Variants in LRBA observed in about 807,000 individuals in gnomAD.
LRBA encodes lipopolysaccharide-responsive and beige-like anchor protein.
In LRBA, 176 loss-of-function variants were observed where a neutral mutation model predicts 330.0. The ratio of observed to expected loss-of-function variants is 0.53; its 90% CI spans 0.47 to 0.60. The LOEUF (loss-of-function observed/expected upper bound fraction) is 0.60. Among genes scored for constraint, LRBA ranks in the 20% least tolerant of loss-of-function variants. The pLI is 0.00. For missense variants in LRBA, 3,259 were observed against 3,444.8 expected (o/e 0.95, Z 1.35); for synonymous variants, 1,230 against 1,193.0 (o/e 1.03, Z -0.64).
chr4:150,749,422 G>A (rs1381865831), intron 35 of LRBA, among the ~76,000 whole-genome samples: 1 of 151,826 alleles, frequency 6.6e-6, no homozygotes, highest in East Asian at 1.9e-4. Context: ...AAAAGATAAA[G>A]GAAAAAACAA....
intron 37 of LRBA, among the ~76,000 whole-genome samples, chr4:150,611,205 T>A (rs1775223004): frequency 6.6e-6 from 1 of 152,180 alleles, no homozygotes; most frequent in South Asian, 2.1e-4. Flanking sequence ...GGAAAGAGGA[T>A]GGGAACTAAA....
chr4:150,487,202 A>G (rs1173153934), intron 42 of LRBA, among the ~76,000 whole-genome samples: 1 of 151,356 alleles, frequency 6.6e-6, no homozygotes, highest in Non-Finnish European at 1.5e-5. Flanking sequence ...ACGTGTGTGT[A>G]CCATTATGAT....
chr4:150,600,317 C>G (rs1773982838), intron 37 of LRBA, among the ~76,000 whole-genome samples: 1 of 152,062 alleles, frequency 6.6e-6, no homozygotes, highest in Non-Finnish European at 1.5e-5. Flanking sequence ...TATCTGTCAG[C>G]TTTGACAAAT....
intron 47 of LRBA, among the ~76,000 whole-genome samples, chr4:150,358,603 G>T (rs1238352201): frequency 6.6e-6 from 1 of 151,816 alleles, no homozygotes; most frequent in African/African-American, 2.4e-5. Context: ...TATTTTCTAA[G>T]ATAAACTAGT....
At chr4:150,531,875 C>T (rs1764087203) in intron 40 of LRBA, among the ~76,000 whole-genome samples, 1 of 152,164 alleles carries the variant, frequency 6.6e-6, no homozygotes, top group South Asian at 2.1e-4. Flanking sequence ...CTTTCCAGAT[C>T]TCAAATGTAA....
chr4:150,929,239 TAG>T (rs1197614847), intron 2 of LRBA, among the ~76,000 whole-genome samples, 174 bp from the exon 3 acceptor site: 1 of 152,198 alleles, frequency 6.6e-6, no homozygotes, highest in Non-Finnish European at 1.5e-5. Context: ...TCTCCAAATT[TAG>T]ACAGCAAAGT....
At chr4:150,775,479 AC>A (rs1737161405) in intron 34 of LRBA, among the ~76,000 whole-genome samples, 9 of 151,224 alleles carry the variant, frequency 6.0e-5, no homozygotes, top group Admixed American at 4.0e-4. Flanking sequence ...ACACACACAC[AC>A]ACACACACAC....
intron 41 of LRBA, among the ~76,000 whole-genome samples, chr4:150,488,150 G>A (rs994504798): frequency 6.6e-6 from 1 of 151,584 alleles, no homozygotes; most frequent in Non-Finnish European, 1.5e-5. Context: ...TGATAGCTGA[G>A]ATAATGTGAC....
At chr4:150,981,410 C>CAAAA (rs58638225) in intron 2 of LRBA, among the ~76,000 whole-genome samples, 1 of 106,436 alleles carries the variant, frequency 9.4e-6, no homozygotes, top group Non-Finnish European at 1.9e-5. Flanking sequence ...GAGACTGTCT[C>CAAAA]AAAAAAAAAA....
chr4:151,008,014 G>A (rs1744312229), intron 2 of LRBA, among the ~76,000 whole-genome samples: 1 of 151,868 alleles, frequency 6.6e-6, no homozygotes, highest in South Asian at 2.1e-4. Flanking sequence ...TGTGGTAATA[G>A]GTGCAAAACT....
At chr4:150,809,862 TACG>T (rs1473601645) in intron 31 of LRBA, among the ~76,000 whole-genome samples, 4 of 40,036 alleles carry the variant, frequency 1.0e-4, no homozygotes, top group African/African-American at 3.1e-4. Flanking sequence ...TACGATACGA[TACG>T]ATACGATACG....
At chr4:150,461,373 C>A (rs191154610) in intron 44 of LRBA, among the ~76,000 whole-genome samples, 1 of 151,894 alleles carries the variant, frequency 6.6e-6, no homozygotes, top group East Asian at 1.9e-4. Context: ...ACAAATTGAG[C>A]AGAAGATTTA....
At chr4:150,710,178 T>A (rs557361357) in intron 36 of LRBA, among the ~76,000 whole-genome samples, 1 of 152,222 alleles carries the variant, frequency 6.6e-6, no homozygotes, top group African/African-American at 2.4e-5. Flanking sequence ...TGATAACAAA[T>A]GTTTTTGGAG....
chr4:150,464,366 G>A (rs1372168481), intron 44 of LRBA, among the ~76,000 whole-genome samples: 1 of 152,014 alleles, frequency 6.6e-6, no homozygotes, highest in Non-Finnish European at 1.5e-5. Flanking sequence ...ACCATAGAGA[G>A]AGAGTAGGGT....
chr4:150,378,401 A>G (rs962731229), intron 47 of LRBA, among the ~76,000 whole-genome samples: 10 of 152,222 alleles, frequency 6.6e-5, no homozygotes, highest in African/African-American at 2.4e-4. Flanking sequence ...CAAGTAAATC[A>G]TGTTTCCAGA....
At chr4:150,443,873 T>TATATATATATATATATATA (rs1491391084) in intron 44 of LRBA, among the ~76,000 whole-genome samples, 11 of 18,624 alleles carry the variant, frequency 5.9e-4, no homozygotes, top group Non-Finnish European at 7.8e-4. Flanking sequence ...TATATATATA[T>TATATATATATATATATATA]TTTTTTTTTT....
chr4:150,807,506 C>T (rs752596250), intron 32 of LRBA, among the ~76,000 whole-genome samples: 39 of 152,290 alleles, frequency 2.6e-4, no homozygotes, highest in Non-Finnish European at 4.0e-4. Context: ...GTGGAAAATA[C>T]ACTCAAAGCA....
At chr4:150,360,676 G>A (rs755735138) in intron 47 of LRBA, among the ~76,000 whole-genome samples, 3 of 152,142 alleles carry the variant, frequency 2.0e-5, no homozygotes, top group Admixed American at 6.6e-5. Flanking sequence ...TACAAAGTAC[G>A]AAGTAACTGC....
intron 46 of LRBA, among the ~76,000 whole-genome samples, chr4:150,432,453 C>T (rs1223832926): frequency 2.1e-3 from 202 of 98,376 alleles, no homozygotes; most frequent in African/African-American, 2.2e-3. Context: ...TAAGTGTGTT[C>T]TTTTTTTTTT....
Sources: allele counts gnomAD v4.1 joint callset (sites outside exome capture counted in the v4.1 genomes callset), GRCh38; gene constraint gnomAD v4.1.1; transcripts MANE v1.5; gene names NCBI Gene and HGNC (gene_info 2026-07-23, HGNC 2026-07-21).